The following SYT16 variants were observed in gnomAD, a reference collection of about 807,000 sequenced individuals.
SYT16 encodes the protein synaptotagmin 16.
SYT16 carries 42 observed loss-of-function variants against 61.4 expected under a neutral mutation model. That is an observed-to-expected ratio of 0.68 (90% CI 0.53 to 0.89). The LOEUF (loss-of-function observed/expected upper bound fraction) is 0.89, where lower values mean the gene tolerates loss of function less well. Ranked by LOEUF, SYT16 falls within the 40% of genes least tolerant of loss-of-function variation. The pLI is 0.00. For missense variants in SYT16, 804 were observed against 807.3 expected (o/e 1.00, Z 0.05); for synonymous variants, 314 against 302.3 (o/e 1.04, Z -0.40).
At chr14:61,892,568 A>G (rs1483440306) in intron 1 of SYT16, among the ~76,000 whole-genome samples, 2 of 152,060 alleles carry the variant, frequency 1.3e-5, no homozygotes, top group Non-Finnish European at 2.9e-5. Flanking sequence ...CCAGACTTGT[A>G]TCCCCAGCTT....
intron 1 of SYT16, among the ~76,000 whole-genome samples, chr14:61,942,611 C>A (rs2050251849): frequency 1.3e-5 from 2 of 152,126 alleles, no homozygotes; most frequent in Admixed American, 6.5e-5. Context: ...GTGATCCTGT[C>A]AATGATATGT....
At chr14:62,020,849 C>A (rs2053882317) in intron 3 of SYT16, among the ~76,000 whole-genome samples, 4 of 152,174 alleles carry the variant, frequency 2.6e-5, no homozygotes, top group Non-Finnish European at 5.9e-5. Flanking sequence ...TGGGCATGAT[C>A]CATGCAGCCA....
Position 61,996,061 on chromosome 14 carries a change from C to T in SYT16, c.42C>T (p.Phe14=), listed in dbSNP as rs370890487. The T allele has an allele frequency of 1.6e-3, 2,503 of 1,609,534 alleles. 4 individuals are homozygous for T. The highest frequency in any genetic ancestry group is 2.0e-3 in the Non-Finnish European group (2,314 of 1,177,494). ...CGTCTCAGGATGTTCAGAACTTCTT[C>T]CAGCCTTTCTCTTCCTGGATATCTC... ...AMASQDVQNF[F]QPFSSWISRV... Residue 14 remains phenylalanine, a synonymous_variant, in exon 3 of 8, where the codon TTC becomes TTT. Transcript: ENST00000683842.
chr14:61,897,597 T>C (rs546476216), intron 1 of SYT16, among the ~76,000 whole-genome samples: 7 of 152,228 alleles, frequency 4.6e-5, no homozygotes, highest in South Asian at 2.1e-4. Context: ...CATCTGTAGA[T>C]GAAAAATAAA....
chr14:61,861,332 A>G (rs946626839), intron 1 of SYT16, among the ~76,000 whole-genome samples: 2 of 152,256 alleles, frequency 1.3e-5, no homozygotes, highest in Non-Finnish European at 2.9e-5. Flanking sequence ...GTAAAAATAT[A>G]AACATTTTAA....
chr14:61,986,866 A>T (rs370603737), intron 2 of SYT16, among the ~76,000 whole-genome samples: 10 of 152,330 alleles, frequency 6.6e-5, no homozygotes, highest in South Asian at 2.1e-4. Context: ...GTGTATTCAA[A>T]TATTCAAAAA....
intron 1 of SYT16, among the ~76,000 whole-genome samples, chr14:61,820,703 A>C: frequency 6.6e-6 from 1 of 151,768 alleles, no homozygotes; most frequent in East Asian, 1.9e-4. Context: ...GCTGGTCATG[A>C]ACTCCTGACC....
At chr14:61,926,053 AAATG>A (rs2049523030) in intron 1 of SYT16, among the ~76,000 whole-genome samples, 1 of 152,310 alleles carries the variant, frequency 6.6e-6, no homozygotes, top group South Asian at 2.1e-4. Flanking sequence ...TATATGGTCT[AAATG>A]AATAAATGGT....
chr14:61,861,755 G>T (rs2046971641), intron 1 of SYT16, among the ~76,000 whole-genome samples: 1 of 152,148 alleles, frequency 6.6e-6, no homozygotes, highest in South Asian at 2.1e-4. Flanking sequence ...TGGGGATTCA[G>T]TTCCAGCCTA....
At chr14:61,919,091 C>G (rs1037191006) in intron 1 of SYT16, among the ~76,000 whole-genome samples, 22 of 152,260 alleles carry the variant, frequency 1.4e-4, no homozygotes, top group African/African-American at 4.8e-4. Flanking sequence ...GTAGTTGTTT[C>G]TCCAACAGGG....
chr14:61,871,232 C>A (rs911082657), intron 1 of SYT16, among the ~76,000 whole-genome samples: 3 of 151,616 alleles, frequency 2.0e-5, no homozygotes, highest in East Asian at 1.9e-4. Flanking sequence ...TGCCCACTGG[C>A]TAGTGACAAT....
intron 3 of SYT16, among the ~76,000 whole-genome samples, chr14:62,012,197 G>T (rs1424174402): frequency 6.6e-6 from 1 of 152,100 alleles, no homozygotes; most frequent in Non-Finnish European, 1.5e-5. Flanking sequence ...GTCTCACATG[G>T]CTATAATCAA....
At chr14:61,898,097 C>A (rs999956845) in intron 1 of SYT16, among the ~76,000 whole-genome samples, 1 of 152,202 alleles carries the variant, frequency 6.6e-6, no homozygotes, top group African/African-American at 2.4e-5. Flanking sequence ...GTTACCCCCA[C>A]AGGAGTTGTC....
intron 3 of SYT16, among the ~76,000 whole-genome samples, chr14:62,059,416 G>T (rs541850090): frequency 6.6e-6 from 1 of 151,924 alleles, no homozygotes; most frequent in African/African-American, 2.4e-5. Flanking sequence ...GTTGTAAAGG[G>T]TCTTTATAAA....
rs1281152259 is a variant in SYT16 at position 62,110,886 on chromosome 14, T to G, written c.*10179T>G. On this transcript the variant is annotated 3_prime_UTR_variant, in exon 8 of 8. Coordinates refer to ENST00000683842, the MANE Select transcript of SYT16 (RefSeq NM_001367656.1). ...TGCCAAAAAAGGTCCTTCAATCTCC[T>G]TTATTATTTTTCTTTTGAAGAATCA... The G allele has an allele frequency of 2.6e-5, 4 of 152,112 alleles. No individual in the cohort carries two copies. The highest frequency in any genetic ancestry group is 5.9e-5 in the Non-Finnish European group (4 of 67,946). The allele number at this position is 152,112 out of a possible 1,614,324, so 9.4% of individuals were successfully genotyped here. A position where few individuals can be genotyped will look rare whatever the true frequency, so the allele number is the denominator to read the frequency against.
intron 3 of SYT16, among the ~76,000 whole-genome samples, chr14:62,011,854 A>C (rs577894798): frequency 1.6e-4 from 22 of 136,418 alleles, no homozygotes; most frequent in African/African-American, 6.2e-4. Context: ...TGTCTACCAC[A>C]AGTCAGGGAA....
chr14:61,980,684 A>G (rs1051746409), intron 2 of SYT16, among the ~76,000 whole-genome samples: 1 of 152,144 alleles, frequency 6.6e-6, no homozygotes, highest in Non-Finnish European at 1.5e-5. Context: ...TGTAGTCCCT[A>G]CTCTCTTAGA....
At chr14:62,097,592 A>T (rs1310252701) in intron 7 of SYT16, among the ~76,000 whole-genome samples, 1 of 152,236 alleles carries the variant, frequency 6.6e-6, no homozygotes, top group African/African-American at 2.4e-5. Flanking sequence ...TACTGTTAAT[A>T]GATGTTTCCG....
intron 1 of SYT16, among the ~76,000 whole-genome samples, chr14:61,896,058 A>G (rs217674): frequency 0.93 from 141,958 of 151,862 alleles, 66,490 homozygotes; most frequent in East Asian, 1. Context: ...TGAGATCTCA[A>G]CTGGTCGCTT....
Sources: gnomAD v4.1 joint callset for allele counts (sites outside exome capture counted in the v4.1 genomes callset) on GRCh38, gnomAD v4.1.1 for gene constraint, MANE v1.5 for transcripts, NCBI Gene and HGNC (gene_info 2026-07-23, HGNC 2026-07-21) for gene names.